GCH1: variants seen among roughly 807,000 people sequenced by gnomAD.
The protein encoded by GCH1 is GTP cyclohydrolase I.
Under a neutral mutation model 25.9 loss-of-function variants are expected in GCH1, and 5 were observed. The observed-to-expected ratio is 0.19, with a 90% CI of 0.10 to 0.41. GCH1 has a LOEUF of 0.41. Among genes scored for constraint, GCH1 ranks in the 10% least tolerant of loss-of-function variants. The probability of loss-of-function intolerance (pLI) is 1.00; values close to 1 mark genes in which losing one functional copy is unlikely to be tolerated. For synonymous variants in GCH1, 159 were observed against 129.6 expected (o/e 1.23, Z -1.54); for missense variants, 261 against 336.5 (o/e 0.78, Z 1.75).
At chr14:54,856,567 C>T (rs2039814631) in intron 3 of GCH1, among the ~76,000 whole-genome samples, 1 of 152,202 alleles carries the variant, frequency 6.6e-6, no homozygotes, top group Non-Finnish European at 1.5e-5. Flanking sequence ...ATTCTTCCAT[C>T]TCAGCCTCCG....
At chr14:54,850,188 G>C (rs147610138) in intron 3 of GCH1, among the ~76,000 whole-genome samples, 1 of 151,966 alleles carries the variant, frequency 6.6e-6, no homozygotes, top group Non-Finnish European at 1.5e-5. Context: ...TGGCCAGGCC[G>C]GTCTTGAACT....
At chr14:54,845,631 G>C (rs2039630539) in intron 5 of GCH1, 137 bp downstream of exon 5, 1 of 726,196 alleles carries the variant, frequency 1.4e-6, no homozygotes, top group Non-Finnish European at 2.5e-6. Context: ...AAGAGCTTTA[G>C]GCTCAGGGAT....
In GCH1 at chr14:54,870,317, G is replaced by A. The variant is rs575984015; in HGVS notation, c.344-4881C>T. 2.8e-3 allele frequency among the ~76,000 whole-genome samples: 317 copies of A among 112,770 alleles called. 1 individual carries two copies. Among genetic ancestry groups the A allele is most frequent in the African/African-American group, 0.011 (304 of 28,290 alleles). The allele number at this position is 112,770 out of a possible 152,430, so 74.0% of individuals were successfully genotyped here. On this transcript the variant is annotated intron_variant, in intron 1 of 5. Transcript: ENST00000491895. ...GTTCAAGACCAGACTGCCCAACCTA[G>A]CCAGACTCTGTTTTTACCAAAAAAA...
intron 1 of GCH1, among the ~76,000 whole-genome samples, chr14:54,877,257 G>C (rs1421772430): frequency 6.6e-6 from 1 of 152,198 alleles, no homozygotes; most frequent in African/African-American, 2.4e-5. Context: ...GGGATTTATG[G>C]CATTCTGTTT....
At chr14:54,896,748 T>TA (rs928176000) in intron 1 of GCH1, among the ~76,000 whole-genome samples, 14 of 147,692 alleles carry the variant, frequency 9.5e-5, no homozygotes, top group Admixed American at 8.1e-4. Flanking sequence ...CCATCTCTAC[T>TA]AAAAAAATAC....
At chr14:54,871,776 G>T (rs1311361340) in intron 1 of GCH1, among the ~76,000 whole-genome samples, 8 of 149,464 alleles carry the variant, frequency 5.4e-5, no homozygotes, top group African/African-American at 4.9e-5. Context: ...ATGAAATGAA[G>T]CAAGAAGAGA....
intron 1 of GCH1, 130 bp downstream of exon 1, chr14:54,902,191 G>A (rs533123558): frequency 6.2e-5 from 62 of 1,007,318 alleles, no homozygotes; most frequent in South Asian, 2.0e-4. Context: ...GGGCGGGTTC[G>A]GAGGTGACAG....
chr14:54,892,549 C>T (rs182032583), intron 1 of GCH1, among the ~76,000 whole-genome samples: 1 of 152,026 alleles, frequency 6.6e-6, no homozygotes, highest in South Asian at 2.1e-4. Flanking sequence ...ATTAGCCAGG[C>T]ATGGTGGTGG....
chr14:54,893,060 C>T (rs912430899), intron 1 of GCH1, among the ~76,000 whole-genome samples: 1 of 152,324 alleles, frequency 6.6e-6, no homozygotes, highest in South Asian at 2.1e-4. Context: ...GCCTGGGTGA[C>T]AGAGCAAGAC....
At chr14:54,869,154 T>A (rs532735942) in intron 1 of GCH1, among the ~76,000 whole-genome samples, 7 of 152,054 alleles carry the variant, frequency 4.6e-5, no homozygotes, top group Admixed American at 4.6e-4. Context: ...TTCTCCTGCC[T>A]CAGCCTCCCG....
chr14:54,849,952 A>G (rs1372879236), intron 3 of GCH1, among the ~76,000 whole-genome samples: 1 of 152,016 alleles, frequency 6.6e-6, no homozygotes, highest in African/African-American at 2.4e-5. Flanking sequence ...TAATTCTGCA[A>G]GTTTCTTATC....
At chr14:54,850,459 C>T (rs1487032869) in intron 3 of GCH1, among the ~76,000 whole-genome samples, 2 of 151,792 alleles carry the variant, frequency 1.3e-5, no homozygotes, top group South Asian at 2.1e-4. Context: ...ATTAGCGGCA[C>T]CCGCCACCAC....
intron 1 of GCH1, among the ~76,000 whole-genome samples, chr14:54,882,792 AC>A (rs936836185): frequency 1.3e-5 from 2 of 152,216 alleles, no homozygotes; most frequent in African/African-American, 4.8e-5. Context: ...GTGTGATGGA[AC>A]CATCTGTAAT....
intron 1 of GCH1, among the ~76,000 whole-genome samples, chr14:54,883,181 G>A (rs928959084): frequency 6.6e-6 from 1 of 151,298 alleles, no homozygotes; most frequent in Admixed American, 6.6e-5. Context: ...AGACCAGCCT[G>A]GCCAACATGG....
At chr14:54,859,360 C>G (rs2039861149) in intron 3 of GCH1, 1 of 356,012 alleles carries the variant, frequency 2.8e-6, no homozygotes, top group Non-Finnish European at 5.3e-6. Context: ...GCTAAACCCC[C>G]CTTAAAGGAT....
intron 3 of GCH1, among the ~76,000 whole-genome samples, chr14:54,858,920 C>A (rs1445410959): frequency 6.6e-6 from 1 of 152,148 alleles, no homozygotes; most frequent in South Asian, 2.1e-4. Context: ...TCTCCTAAAA[C>A]CCAAATAAAA....
chr14:54,889,038 TG>T (rs1273786457), intron 1 of GCH1, among the ~76,000 whole-genome samples: 1 of 152,156 alleles, frequency 6.6e-6, no homozygotes, highest in Non-Finnish European at 1.5e-5. Context: ...ACACGCAGCA[TG>T]GGATAAGTAT....
At chr14:54,900,419 C>T (rs191945054) in intron 1 of GCH1, among the ~76,000 whole-genome samples, 30 of 151,870 alleles carry the variant, frequency 2.0e-4, no homozygotes, top group Middle Eastern at 6.8e-3. Flanking sequence ...GCCATGTTGA[C>T]CGGGCTGGTC....
intron 4 of GCH1, among the ~76,000 whole-genome samples, 185 bp downstream of exon 4, chr14:54,846,914 A>T (rs1388253419): frequency 6.6e-6 from 1 of 152,162 alleles, no homozygotes; most frequent in Non-Finnish European, 1.5e-5. Flanking sequence ...TACAAAAATT[A>T]GCCAAGGCAT....
Sources: gnomAD v4.1 joint callset for allele counts (sites outside exome capture counted in the v4.1 genomes callset) on GRCh38, gnomAD v4.1.1 for gene constraint, MANE v1.5 for transcripts, NCBI Gene and HGNC (gene_info 2026-07-23, HGNC 2026-07-21) for gene names.